FREM2: variants seen among roughly 807,000 people sequenced by gnomAD.
FREM2 encodes the protein FRAS1 related extracellular matrix 2.
A neutral mutation model predicts 219.9 loss-of-function variants in FREM2; 119 were observed. That is an observed-to-expected ratio of 0.54 (90% CI 0.47 to 0.63). The LOEUF (loss-of-function observed/expected upper bound fraction) is 0.63. Among genes scored for constraint, FREM2 ranks in the 30% least tolerant of loss-of-function variants. FREM2 has a pLI of 0.00. For synonymous variants in FREM2, 1,562 were observed against 1,522.8 expected, an observed-to-expected ratio of 1.03 and a Z score of -0.60; for missense variants, 4,030 against 3,993.6, an observed-to-expected ratio of 1.01 and a Z score of -0.25.
chr13:38,856,292 G>C, intron 12 of FREM2, 36 bp downstream of exon 12: 1 of 1,598,372 alleles, frequency 6.3e-7, no homozygotes, highest in Non-Finnish European at 8.6e-7. Context: ...TTCATGGCTA[G>C]CAGTTTGTCA....
chr13:38,830,231 A>G (rs1593433301), intron 6 of FREM2, among the ~76,000 whole-genome samples: 1 of 152,200 alleles, frequency 6.6e-6, no homozygotes, highest in East Asian at 1.9e-4. Context: ...GCAATGGCAC[A>G]ATGAATGACA....
At chr13:38,849,149 G>C (rs78579047) in intron 8 of FREM2, among the ~76,000 whole-genome samples, 2,871 of 152,232 alleles carry the variant, frequency 0.019, 26 homozygotes, top group Non-Finnish European at 0.028. Context: ...ATGAATTTGA[G>C]AGGAACACAG....
At chr13:38,845,795 G>A (rs893701881) in intron 6 of FREM2, among the ~76,000 whole-genome samples, 1 of 152,080 alleles carries the variant, frequency 6.6e-6, no homozygotes, top group Admixed American at 6.6e-5. Flanking sequence ...CACAGTTTGA[G>A]TCAGGCAGAA....
intron 6 of FREM2, among the ~76,000 whole-genome samples, chr13:38,807,190 TATATATA>T (rs1566149174): frequency 5.5e-5 from 2 of 36,140 alleles, no homozygotes; most frequent in African/African-American, 2.7e-4. Flanking sequence ...TTGTCTCTGT[TATATATA>T]TATATATATA....
Position 38,691,760 on chromosome 13 carries a change from G to A in FREM2, c.4416G>A (p.Thr1472=), listed in dbSNP as rs371041368. The change falls in exon 1 of 24, where the codon ACG becomes ACA. Residue 1472 remains threonine (T), a synonymous_variant. Coordinates refer to ENST00000280481, the MANE Select transcript of FREM2 (RefSeq NM_207361.6). ...CCATGCGAGGTCACCTGGAATGCAC[G>A]GATCAGCCTGGTGTGTCCATCACGT... ...RAPMRGHLEC[T]DQPGVSITSF... 3.1e-6 allele frequency: 5 copies of A among 1,613,972 alleles called. No homozygotes were observed. Among genetic ancestry groups the A allele is most frequent in the African/African-American group, 2.7e-5 (2 of 74,892 alleles).
At chr13:38,859,140 G>T in intron 13 of FREM2, 147 bp from the exon 14 acceptor site, 1 of 720,478 alleles carries the variant, frequency 1.4e-6, no homozygotes, top group Non-Finnish European at 2.5e-6. Flanking sequence ...ATGTTATCAT[G>T]CCTGGGGATC....
rs199993718 is a variant in FREM2 at position 38,864,506 on chromosome 13, G to A, written c.7883G>A (p.Arg2628Gln). The change falls in exon 16 of 24, where the codon CGG becomes CAG. Residue 2628 changes from arginine (R) to glutamine (Q), a missense_variant. Physicochemically the swap from Arg to Gln is conservative, Grantham distance 43 (BLOSUM62 1). This residue lies in a region of FREM2 where 928 missense variants were observed against 1,042.9 expected (regional missense o/e 0.89). Coordinates refer to ENST00000280481, the MANE Select transcript of FREM2 (RefSeq NM_207361.6). The stretch of plus-strand genomic sequence containing the variant: ...GGTTCCACTACCTTGCGCTTCTACC[G>A]GAACCTGAACCTAGAGGCCTGTTTA... ...IRGSTTLRFY[R>Q]NLNLEACLWE... 134 of 1,614,048 alleles carry A rather than the reference G, an allele frequency of 8.3e-5. 1 individual carries two copies. In the Middle Eastern group the frequency reaches 9.9e-4, roughly 12 times the overall value.
In FREM2 at chr13:38,857,932, C is replaced by A; in HGVS notation, c.7114C>A (p.Pro2372Thr). ...GAGCAGCATGGCAGATGTCACTTTT[C>A]CTTCTGTCCCTCAAATTGTATCCCT... is the stretch of plus-strand genomic sequence containing the variant. ...EMSSMADVTF[P>T]SVPQIVSLLM... Residue 2372 changes from proline to threonine, a missense_variant, in exon 13 of 24, where the codon CCT (proline) becomes ACT (threonine). Coordinates refer to ENST00000280481, the MANE Select transcript of FREM2 (RefSeq NM_207361.6). The A allele has an allele frequency of 6.2e-7, 1 of 1,613,620 alleles. No individual in the cohort carries two copies. The highest frequency in any genetic ancestry group is 8.5e-7 in the Non-Finnish European group (1 of 1,179,536).
intron 2 of FREM2, among the ~76,000 whole-genome samples, chr13:38,708,001 G>C (rs1870607452): frequency 6.6e-6 from 1 of 152,184 alleles, no homozygotes; most frequent in Non-Finnish European, 1.5e-5. Context: ...AATTTCTGTT[G>C]AGTAGGATTC....
At position 38,864,986 on chromosome 13, in the gene FREM2, C is replaced by T. The variant is rs151288981; in HGVS notation, c.7983+380C>T. Reference sequence around the variant, plus strand: ...CCTGTGATGTTGTATCATGAGCCACCTAAAGTGAGGTTTTACAATCCTGGG... The same window carrying T: ...CCTGTGATGTTGTATCATGAGCCACTTAAAGTGAGGTTTTACAATCCTGGG... On this transcript the variant is annotated intron_variant, in intron 16 of 23. Transcript: ENST00000280481. Among the ~76,000 whole-genome samples, 10 of 150,936 alleles carry T rather than the reference C, an allele frequency of 6.6e-5. No individual in the cohort carries two copies. In the East Asian group the frequency reaches 2.0e-3, roughly 30 times the overall value.
chr13:38,835,229 G>A lies in FREM2; in HGVS notation c.6020-11344G>A, dbSNP rs190753434. ...AATCATTTCCCTATTTCTTATTTTT[G>A]TCAGGTTTGTCAAAGATCAGATAGT... is the stretch of plus-strand genomic sequence containing the variant. On this transcript the variant is annotated intron_variant, in intron 6 of 23. Transcript: ENST00000280481. 6.6e-5 allele frequency among the ~76,000 whole-genome samples: 10 copies of A among 152,110 alleles called. No homozygotes were observed. The East Asian group carries it at 1.5e-3, about 23-fold the overall frequency.
intron 4 of FREM2, among the ~76,000 whole-genome samples, chr13:38,770,441 A>C (rs553863277): frequency 4.6e-5 from 7 of 152,036 alleles, no homozygotes; most frequent in Non-Finnish European, 1.0e-4. Flanking sequence ...CTATCATTTA[A>C]TATTGCTCAT....
intron 2 of FREM2, among the ~76,000 whole-genome samples, chr13:38,740,459 A>C (rs944787358): frequency 1.3e-5 from 2 of 152,206 alleles, no homozygotes; most frequent in Non-Finnish European, 2.9e-5. Flanking sequence ...ACGTACATCA[A>C]TTGTTGAGAT....
chr13:38,851,023 C>A lies in FREM2; in HGVS notation c.6657C>A (p.Leu2219=). ...YEEVEELRLV[L]GTPQSNSPFG... is the part of the protein sequence containing the mutation. ...AGGTAGAGGAGCTCCGCCTGGTACT[C>A]GGCACTCCACAAAGCAACTCTCCCT... is the stretch of plus-strand genomic sequence containing the variant. The change falls in exon 10 of 24, where the codon CTC becomes CTA. Residue 2219 remains leucine, a synonymous_variant. Coordinates refer to ENST00000280481, the MANE Select transcript of FREM2 (RefSeq NM_207361.6). 1.2e-6 allele frequency: 2 copies of A among 1,613,906 alleles called. No homozygotes were observed. The highest frequency in any genetic ancestry group is 1.1e-5 in the South Asian group (1 of 91,064).
chr13:38,803,113 C>T (rs147791997), intron 6 of FREM2, among the ~76,000 whole-genome samples: 4 of 152,252 alleles, frequency 2.6e-5, no homozygotes, highest in African/African-American at 7.2e-5. Flanking sequence ...CTAGTCAGCC[C>T]TCTTGAACTC....
intron 2 of FREM2, among the ~76,000 whole-genome samples, chr13:38,759,529 G>A (rs1246550673): frequency 1.3e-5 from 2 of 152,064 alleles, no homozygotes; most frequent in Non-Finnish European, 2.9e-5. Context: ...TTCAAAAGAG[G>A]TCTTTTCATC....
intron 2 of FREM2, among the ~76,000 whole-genome samples, chr13:38,763,816 A>G (rs1873331975): frequency 6.6e-6 from 1 of 152,142 alleles, no homozygotes; most frequent in African/African-American, 2.4e-5. Flanking sequence ...GGAGGCGGAG[A>G]AGGGATATTT....
intron 2 of FREM2, among the ~76,000 whole-genome samples, chr13:38,742,367 G>T (rs1331608706): frequency 6.6e-6 from 1 of 152,194 alleles, no homozygotes; most frequent in Non-Finnish European, 1.5e-5. Flanking sequence ...CTCATATAGA[G>T]AAATTATATG....
chr13:38,749,901 A>C (rs1002322574), intron 2 of FREM2, among the ~76,000 whole-genome samples: 5 of 152,178 alleles, frequency 3.3e-5, no homozygotes, highest in African/African-American at 7.2e-5. Flanking sequence ...AATCCTCCAC[A>C]TATTCAAAAA....
Sources: allele counts gnomAD v4.1 joint callset (sites outside exome capture counted in the v4.1 genomes callset), GRCh38; gene constraint gnomAD v4.1.1; regional missense constraint gnomAD v4.1.1; transcripts MANE v1.5; gene names NCBI Gene and HGNC (gene_info 2026-07-23, HGNC 2026-07-21).